Variants in ZBTB20 observed in about 807,000 individuals in gnomAD.
The protein encoded by ZBTB20 is zinc finger and BTB domain containing 20.
Under a neutral mutation model 56.9 loss-of-function variants are expected in ZBTB20, and 9 were observed. The ratio of observed to expected loss-of-function variants is 0.16; its 90% CI spans 0.10 to 0.28. The LOEUF is 0.28. Ranked by LOEUF, ZBTB20 falls within the 10% of genes least tolerant of loss-of-function variation. ZBTB20 has a pLI of 1.00. For missense variants in ZBTB20, 655 were observed against 1,003.0 expected (o/e 0.65, Z 4.69); for synonymous variants, 417 against 420.7 (o/e 0.99, Z 0.11).
chr3:114,890,328 A>T (rs957243702), intron 4 of ZBTB20, among the ~76,000 whole-genome samples: 2 of 152,254 alleles, frequency 1.3e-5, no homozygotes, highest in African/African-American at 2.4e-5. Flanking sequence ...CCTCATACAG[A>T]ATCTTGGCAG....
At chr3:114,708,134 C>T (rs974183438) in intron 5 of ZBTB20, among the ~76,000 whole-genome samples, 4 of 152,042 alleles carry the variant, frequency 2.6e-5, no homozygotes, top group South Asian at 2.1e-4. Context: ...AAGAAAGAAA[C>T]GCAATCTAAT....
At chr3:114,902,341 T>C (rs921646487) in intron 3 of ZBTB20, among the ~76,000 whole-genome samples, 1 of 152,160 alleles carries the variant, frequency 6.6e-6, no homozygotes, top group African/African-American at 2.4e-5. Context: ...GGTGCTGTGT[T>C]TGGCACTGCA....
At chr3:114,929,173 C>G (rs1049205056) in intron 3 of ZBTB20, among the ~76,000 whole-genome samples, 1 of 152,216 alleles carries the variant, frequency 6.6e-6, no homozygotes, top group Admixed American at 6.5e-5. Context: ...TAAGCTATTT[C>G]GAATCACACT....
At chr3:114,988,356 G>A (rs1439780732) in intron 2 of ZBTB20, among the ~76,000 whole-genome samples, 2 of 150,890 alleles carry the variant, frequency 1.3e-5, no homozygotes, top group Non-Finnish European at 2.9e-5. Context: ...GCGGTGTTTG[G>A]TTTTTTGTCC....
At position 114,544,658 on chromosome 3, in the gene ZBTB20, C is replaced by T. The variant is rs201878493; in HGVS notation, c.-294-44267G>A. 5.3e-5 allele frequency among the ~76,000 whole-genome samples: 8 copies of T among 152,118 alleles called. No homozygotes were observed. In the East Asian group the frequency reaches 1.4e-3, roughly 26 times the overall value. On this transcript the variant is annotated intron_variant, in intron 6 of 11. Coordinates refer to ENST00000675478, the MANE Select transcript of ZBTB20 (RefSeq NM_001348800.3). ...AACTGGAACTACAGGCACATGCCAT[C>T]ACTCCTGCCTAATTTTTGTATTTTT...
At chr3:114,667,110 G>T (rs1207204922) in intron 6 of ZBTB20, among the ~76,000 whole-genome samples, 2 of 151,890 alleles carry the variant, frequency 1.3e-5, no homozygotes, top group Non-Finnish European at 2.9e-5. Flanking sequence ...TATGCCTGAG[G>T]TTGCAATTTC....
At chr3:114,835,382 T>C (rs936360155) in intron 4 of ZBTB20, among the ~76,000 whole-genome samples, 2 of 152,152 alleles carry the variant, frequency 1.3e-5, no homozygotes, top group African/African-American at 4.8e-5. Flanking sequence ...GTCAAAAAAG[T>C]TGTTTTTTTA....
chr3:114,618,178 C>A, intron 6 of ZBTB20, among the ~76,000 whole-genome samples: 1 of 148,392 alleles, frequency 6.7e-6, no homozygotes, highest in African/African-American at 2.5e-5. Context: ...ATAAATGAAT[C>A]AATCTTTAGC....
intron 6 of ZBTB20, among the ~76,000 whole-genome samples, chr3:114,578,133 G>T (rs2107454603): frequency 6.6e-6 from 1 of 151,666 alleles, no homozygotes; most frequent in African/African-American, 2.4e-5. Flanking sequence ...GTGAATAAGA[G>T]TAAAACTTAA....
chr3:114,590,495 T>C (rs1478575025), intron 6 of ZBTB20, among the ~76,000 whole-genome samples: 2 of 141,398 alleles, frequency 1.4e-5, no homozygotes, highest in Non-Finnish European at 3.0e-5. Context: ...TATTTATTAA[T>C]TTATTTAATA....
intron 7 of ZBTB20, among the ~76,000 whole-genome samples, chr3:114,390,199 C>T (rs1559725704): frequency 6.6e-6 from 1 of 151,624 alleles, no homozygotes; most frequent in African/African-American, 2.4e-5. Flanking sequence ...TTTTCTAGTA[C>T]AAAAAAAAGC....
chr3:114,456,213 G>GGA (rs144911044), intron 7 of ZBTB20, among the ~76,000 whole-genome samples: 69 of 147,380 alleles, frequency 4.7e-4, no homozygotes, highest in African/African-American at 8.6e-4. Flanking sequence ...ATATATATAT[G>GGA]GAGAGAGAGA....
Position 115,083,831 on chromosome 3 carries a change from G to T in ZBTB20, c.-702-12417C>A, listed in dbSNP as rs192607745. 3.6e-3 allele frequency among the ~76,000 whole-genome samples: 542 copies of T among 152,072 alleles called. 3 individuals carry two copies. Among genetic ancestry groups the T allele is most frequent in the African/African-American group, 0.012 (515 of 41,510 alleles). On this transcript the variant is annotated intron_variant, in intron 1 of 11. Transcript: ENST00000675478. ...TAGGATATATATTGGAGAAGAAATG[G>T]TAGGGAGCAGAGAGAGGGTTTCTAA...
At chr3:114,853,375 A>G (rs1339685351) in intron 4 of ZBTB20, among the ~76,000 whole-genome samples, 1 of 152,210 alleles carries the variant, frequency 6.6e-6, no homozygotes, top group Non-Finnish European at 1.5e-5. Flanking sequence ...CTGATTTGAG[A>G]GTGTACCTGC....
chr3:115,142,676 A>C (rs2084848820), intron 1 of ZBTB20, among the ~76,000 whole-genome samples: 1 of 151,860 alleles, frequency 6.6e-6, no homozygotes, highest in Non-Finnish European at 1.5e-5. Context: ...AAAAAAAAAA[A>C]ATTCAACTGA....
chr3:114,660,048 T>G (rs938504763), intron 6 of ZBTB20, among the ~76,000 whole-genome samples: 3 of 152,122 alleles, frequency 2.0e-5, no homozygotes, highest in Non-Finnish European at 4.4e-5. Flanking sequence ...CCTACTTTTG[T>G]TTCCTGCAGG....
chr3:115,036,712 C>T (rs1422559549), intron 2 of ZBTB20, among the ~76,000 whole-genome samples: 1 of 152,134 alleles, frequency 6.6e-6, no homozygotes, highest in African/African-American at 2.4e-5. Context: ...AGCGCCCGGC[C>T]ACTTTGTGAT....
chr3:114,886,735 AAAGT>A (rs1476280502), intron 4 of ZBTB20, among the ~76,000 whole-genome samples: 2 of 152,238 alleles, frequency 1.3e-5, no homozygotes, highest in African/African-American at 4.8e-5. Context: ...GTAGTTTAAA[AAAGT>A]ATGACAGAAA....
At chr3:114,459,273 A>G (rs1210014303) in intron 7 of ZBTB20, among the ~76,000 whole-genome samples, 1 of 152,196 alleles carries the variant, frequency 6.6e-6, no homozygotes, top group African/African-American at 2.4e-5. Flanking sequence ...TCTGTAAAAT[A>G]TCATTTAAAG....
Sources: gnomAD v4.1 joint callset for allele counts (sites outside exome capture counted in the v4.1 genomes callset) on GRCh38, gnomAD v4.1.1 for gene constraint, MANE v1.5 for transcripts, NCBI Gene and HGNC (gene_info 2026-07-23, HGNC 2026-07-21) for gene names.